Variants in WIPF3 observed in about 807,000 individuals in gnomAD.
WIPF3 encodes WAS/WASL-interacting protein family member 3.
In WIPF3, 33 loss-of-function variants were observed where a neutral mutation model predicts 38.9. The ratio of observed to expected loss-of-function variants is 0.85; its 90% CI spans 0.64 to 1.14. The LOEUF is 1.14. WIPF3 is among the 50% of genes most tolerant of loss of function. WIPF3 has a pLI of 0.00. For missense variants in WIPF3, 711 were observed against 652.5 expected (o/e 1.09, Z -0.98); for synonymous variants, 324 against 269.3 (o/e 1.20, Z -1.99).
At chr7:29,865,352 T>C (rs970940123) in intron 2 of WIPF3, among the ~76,000 whole-genome samples, 2 of 152,110 alleles carry the variant, frequency 1.3e-5, no homozygotes, top group African/African-American at 4.8e-5. Context: ...AACAGAATAG[T>C]AAATTGAAGA....
At chr7:29,907,143 C>T (rs1786413340) in intron 8 of WIPF3, among the ~76,000 whole-genome samples, 1 of 152,176 alleles carries the variant, frequency 6.6e-6, no homozygotes, top group South Asian at 2.1e-4. Flanking sequence ...ATTGTAACAA[C>T]AGTTTGTAAC....
In WIPF3 at chr7:29,884,264, T is replaced by TGCCCCCCCCCCCC; in HGVS notation, c.770_771insGCCCCCCCCCCCC (p.Ile260ProfsTer62). The TGCCCCCCCCCCCC allele has an allele frequency of 4.6e-6, 6 of 1,315,278 alleles. No homozygotes were observed. The highest frequency in any genetic ancestry group is 5.0e-6 in the Non-Finnish European group (5 of 992,702). The allele number at this position is 1,315,278 out of a possible 1,614,324, so 81.5% of individuals were successfully genotyped here. The stretch of plus-strand genomic sequence containing the variant: ...AAGCCTCAGCTGGCTCCCTTGCACC[T>TGCCCCCCCCCCCC]CCCGCCCATCCCGCCCCCGCTCCCT... On this transcript the variant is annotated frameshift_variant, in exon 5 of 9. Coordinates refer to ENST00000242140, the MANE Select transcript of WIPF3 (RefSeq NM_001080529.3). LOFTEE classifies it high-confidence loss of function.
intron 2 of WIPF3, among the ~76,000 whole-genome samples, chr7:29,872,495 A>ATAT (rs1189478909): frequency 6.6e-6 from 1 of 152,092 alleles, no homozygotes; most frequent in East Asian, 1.9e-4. Flanking sequence ...GGCGAACACT[A>ATAT]TATTAAGATC....
intron 2 of WIPF3, among the ~76,000 whole-genome samples, chr7:29,859,941 G>C (rs1305353629): frequency 6.6e-6 from 1 of 152,156 alleles, no homozygotes; most frequent in East Asian, 1.9e-4. Context: ...CAGGTAGAGG[G>C]AATGCCTGAG....
chr7:29,889,237 C>T, intron 6 of WIPF3, 69 bp from the exon 7 acceptor site: 1 of 1,317,588 alleles, frequency 7.6e-7, no homozygotes, highest in Non-Finnish European at 1.1e-6. Context: ...TCTCTGTGCT[C>T]CTGGAAATGA....
At chr7:29,905,822 T>G (rs528031097) in intron 8 of WIPF3, 1 of 152,286 alleles carries the variant, frequency 6.6e-6, no homozygotes, top group East Asian at 1.9e-4. Flanking sequence ...TTGTTCCTCC[T>G]GTCCTTGCTC....
chr7:29,877,049 C>T (rs1478221721), intron 3 of WIPF3, among the ~76,000 whole-genome samples: 1 of 152,046 alleles, frequency 6.6e-6, no homozygotes, highest in African/African-American at 2.4e-5. Flanking sequence ...TTTTGAATGT[C>T]GACATGATGC....
chr7:29,876,645 C>A (rs1465000487), intron 3 of WIPF3, among the ~76,000 whole-genome samples: 1 of 152,236 alleles, frequency 6.6e-6, no homozygotes, highest in African/African-American at 2.4e-5. Flanking sequence ...AAAGATCACT[C>A]ACCTTGTGTC....
In WIPF3 at chr7:29,878,358, G is replaced by A. The variant is rs924074224; in HGVS notation, c.224-651G>A. ...TCTTGTCTAAGCTGAGTATCTTCTC[G>A]TTTTCTGTAGTTGGTAATCACACAT... On this transcript the variant is annotated intron_variant, in intron 3 of 8. Transcript: ENST00000242140. The surrounding 1 kb of genome is among the most constrained non-coding windows in gnomAD (Gnocchi z 4.0). Among the ~76,000 whole-genome samples the A allele has an allele frequency of 4.6e-5, 7 of 152,148 alleles. No individual in the cohort carries two copies. The highest frequency in any genetic ancestry group is 1.2e-4 in the African/African-American group (5 of 41,418).
At chr7:29,877,504 T>G (rs762970755) in intron 3 of WIPF3, among the ~76,000 whole-genome samples, 6 of 152,234 alleles carry the variant, frequency 3.9e-5, no homozygotes, top group Non-Finnish European at 5.9e-5. Context: ...TTGAACACAT[T>G]ATTTTTTTGC....
intron 2 of WIPF3, among the ~76,000 whole-genome samples, chr7:29,846,111 G>A (rs1461608957): frequency 6.6e-6 from 1 of 152,184 alleles, no homozygotes; most frequent in Non-Finnish European, 1.5e-5. Context: ...TATATCAGAA[G>A]TAACAAATAT....
intron 5 of WIPF3, among the ~76,000 whole-genome samples, chr7:29,885,035 C>G (rs1785843943): frequency 6.6e-6 from 1 of 152,198 alleles, no homozygotes. Context: ...CAGAACCAGG[C>G]CTCCTTTTAT....
At chr7:29,810,206 G>A (rs1307278033) in intron 1 of WIPF3, among the ~76,000 whole-genome samples, 1 of 152,226 alleles carries the variant, frequency 6.6e-6, no homozygotes, top group African/African-American at 2.4e-5. Flanking sequence ...CTTTATCAAA[G>A]GGGAGACAGA....
chr7:29,858,310 C>T (rs1785218373), intron 2 of WIPF3, among the ~76,000 whole-genome samples: 1 of 152,176 alleles, frequency 6.6e-6, no homozygotes, highest in African/African-American at 2.4e-5. Flanking sequence ...AAGGCTGTAG[C>T]CTCTTCCATA....
intron 2 of WIPF3, among the ~76,000 whole-genome samples, chr7:29,858,810 T>C (rs557448930): frequency 1.3e-5 from 2 of 152,338 alleles, no homozygotes; most frequent in Admixed American, 6.5e-5. Context: ...GGAGGGTATG[T>C]TGTATGAGTC....
intron 1 of WIPF3, among the ~76,000 whole-genome samples, chr7:29,818,585 A>G (rs1015546587): frequency 1.3e-5 from 2 of 149,764 alleles, no homozygotes; most frequent in African/African-American, 2.4e-5. Flanking sequence ...TAAAATTAAG[A>G]TAATTTTTCC....
At chr7:29,821,819 G>T (rs1274197865) in intron 1 of WIPF3, among the ~76,000 whole-genome samples, 1 of 151,984 alleles carries the variant, frequency 6.6e-6, no homozygotes. Context: ...AATCCTCCAT[G>T]GTACTCAGTG....
chr7:29,875,073 C>T (rs1313023409), intron 2 of WIPF3, among the ~76,000 whole-genome samples: 1 of 152,156 alleles, frequency 6.6e-6, no homozygotes, highest in East Asian at 1.9e-4. Flanking sequence ...CTTGTGAGGA[C>T]TAATGTAACA....
rs1020444710 is a variant in WIPF3 at position 29,823,066 on chromosome 7, G to T, written c.-57-11602G>T. Reference sequence around the variant, plus strand: ...TTTCTTTATTATTTATCTCAAAGCAGTACTCCTTTGCTCCTCATATTTATA... The same window carrying T: ...TTTCTTTATTATTTATCTCAAAGCATTACTCCTTTGCTCCTCATATTTATA... On this transcript the variant is annotated intron_variant, in intron 1 of 8. Coordinates refer to ENST00000242140, the MANE Select transcript of WIPF3 (RefSeq NM_001080529.3). The surrounding 1 kb of genome is among the most constrained non-coding windows in gnomAD (Gnocchi z 4.0). 6.6e-6 allele frequency among the ~76,000 whole-genome samples: 1 copy of T among 152,132 alleles called. No individual in the cohort carries two copies. The highest frequency in any genetic ancestry group is 1.5e-5 in the Non-Finnish European group (1 of 68,032).
Sources: gnomAD v4.1 joint callset for allele counts (sites outside exome capture counted in the v4.1 genomes callset) on GRCh38, gnomAD v4.1.1 for gene constraint, Gnocchi (gnomAD v3.1) non-coding constraint, MANE v1.5 for transcripts, NCBI Gene and HGNC (gene_info 2026-07-23, HGNC 2026-07-21) for gene names.